The following PSIP1 variants were observed in gnomAD, a reference collection of about 807,000 sequenced individuals.
The protein encoded by PSIP1 is PC4 and SFRS1-interacting protein.
In PSIP1, 19 loss-of-function variants were observed where a neutral mutation model predicts 74.7. The observed-to-expected ratio is 0.25, with a 90% CI of 0.18 to 0.37. The LOEUF is 0.37. Ranked by LOEUF, PSIP1 falls within the 10% of genes least tolerant of loss-of-function variation. The pLI, the probability that PSIP1 is intolerant of heterozygous loss-of-function variation, is 1.00. For missense variants in PSIP1, 601 were observed against 614.3 expected, an observed-to-expected ratio of 0.98 and a Z score of 0.23; for synonymous variants, 222 against 195.3, an observed-to-expected ratio of 1.14 and a Z score of -1.14.
intron 10 of PSIP1, 114 bp downstream of exon 10, chr9:15,472,518 A>T: frequency 6.9e-7 from 1 of 1,457,042 alleles, no homozygotes; most frequent in Non-Finnish European, 9.0e-7. Flanking sequence ...ACACATGGGA[A>T]AAGTCACTTC....
rs146248484 is a variant in PSIP1 at position 15,466,901 on chromosome 9, A to G, written c.1421-42T>C. 31 of 1,482,276 alleles carry G rather than the reference A, an allele frequency of 2.1e-5. No individual in the cohort carries two copies. In the East Asian group the frequency reaches 7.1e-4, roughly 34 times the overall value. The allele number at this position is 1,482,276 out of a possible 1,614,324, so 91.8% of individuals were successfully genotyped here. A position where few individuals can be genotyped will look rare whatever the true frequency, so the allele number is the denominator to read the frequency against. On this transcript the variant is annotated intron_variant, in intron 14 of 15. Coordinates refer to ENST00000380733, the MANE Select transcript of PSIP1 (RefSeq NM_033222.5). ...ATGGAAAAACTTTGTTAAAGCTTAC[A>G]AAACAATAATTGAAGGTGTCCACTA...
chr9:15,503,411 C>T (rs2037436396), intron 3 of PSIP1, among the ~76,000 whole-genome samples: 1 of 151,912 alleles, frequency 6.6e-6, no homozygotes. Flanking sequence ...AATCTCAGCA[C>T]TTTGGGAGGC....
At chr9:15,499,293 G>A (rs961148087) in intron 3 of PSIP1, among the ~76,000 whole-genome samples, 16 of 152,154 alleles carry the variant, frequency 1.1e-4, no homozygotes, top group Admixed American at 8.5e-4. Context: ...CAATGTCAAA[G>A]CTTGTAAGAG....
intron 14 of PSIP1, among the ~76,000 whole-genome samples, chr9:15,467,527 T>C (rs1480906905): frequency 1.3e-5 from 2 of 152,154 alleles, no homozygotes; most frequent in Non-Finnish European, 2.9e-5. Flanking sequence ...TTCTGAAATG[T>C]TTATGAGTGA....
At chr9:15,471,203 T>G (rs758133443) in intron 10 of PSIP1, 6 of 1,607,140 alleles carry the variant, frequency 3.7e-6, no homozygotes, top group Non-Finnish European at 1.7e-6. Flanking sequence ...AGATATATTT[T>G]TTATTACTGT....
rs1313296610 is a variant in PSIP1 at position 15,469,941 on chromosome 9, GCTT to G, written c.1027_1029del (p.Lys343del). 6 of 1,605,626 alleles carry G rather than the reference GCTT, an allele frequency of 3.7e-6. No homozygotes were observed. Among genetic ancestry groups the G allele is most frequent in the Admixed American group, 1.7e-5 (1 of 59,926 alleles). ...CTTAGAAAGTGAAATAACTAACCTC[GCTT>G]CTTCTCCACTTTCTTAACTTCTGGC... On this transcript the variant is annotated inframe_deletion, in exon 11 of 16. Transcript: ENST00000380733.
At chr9:15,476,977 C>G (rs542114568) in intron 8 of PSIP1, among the ~76,000 whole-genome samples, 5 of 152,178 alleles carry the variant, frequency 3.3e-5, no homozygotes, top group African/African-American at 1.2e-4. Context: ...AGAGAAGTTC[C>G]AGAGGAATCA....
At position 15,485,996 on chromosome 9, in the gene PSIP1, G is replaced by T; in HGVS notation, c.456+10C>A. On this transcript the variant is annotated intron_variant, in intron 6 of 15. Coordinates refer to ENST00000380733, the MANE Select transcript of PSIP1 (RefSeq NM_033222.5). ...TCAGATCCCCATGGTTGGTAAGTCAGTGAAATTACCTTTCTCTTTCTCCCC... is the reference window on the plus strand; with the variant it reads ...TCAGATCCCCATGGTTGGTAAGTCATTGAAATTACCTTTCTCTTTCTCCCC... 6.3e-7 allele frequency: 1 copy of T among 1,596,268 alleles called. No individual in the cohort carries two copies. Among genetic ancestry groups the T allele is most frequent in the South Asian group, 1.1e-5 (1 of 90,188 alleles).
rs1235086252 is a variant in PSIP1, at chr9:15,489,954, AGTAATATCAAATTTTAT to A, written c.288+15_288+31del. The A allele has an allele frequency of 6.8e-7, 1 of 1,465,482 alleles. No individual in the cohort carries two copies. The highest frequency in any genetic ancestry group is 9.2e-7 in the Non-Finnish European group (1 of 1,089,566). 90.8% of individuals were successfully genotyped at this position (1,465,482 alleles called of 1,614,324 possible). ...AGTGATTATTCCCCAGGATTAAATA[AGTAATATCAAATTTTAT>A]GTAATATGACTTACCTGTTGACTTG... On this transcript the variant is annotated intron_variant, in intron 4 of 15. Coordinates refer to ENST00000380733, the MANE Select transcript of PSIP1 (RefSeq NM_033222.5).
chr9:15,474,621 G>A (rs1487353182), intron 8 of PSIP1, among the ~76,000 whole-genome samples: 4 of 152,092 alleles, frequency 2.6e-5, no homozygotes, highest in Non-Finnish European at 5.9e-5. Flanking sequence ...AATTAAGCAT[G>A]TTTTCAGACA....
At chr9:15,480,845 A>G (rs1363824917) in intron 6 of PSIP1, among the ~76,000 whole-genome samples, 1 of 152,158 alleles carries the variant, frequency 6.6e-6, no homozygotes, top group East Asian at 1.9e-4. Context: ...GCTGGAACTC[A>G]GGGGGCAGAG....
chr9:15,500,852 T>C (rs2037310644), intron 3 of PSIP1, among the ~76,000 whole-genome samples: 1 of 152,208 alleles, frequency 6.6e-6, no homozygotes. Flanking sequence ...GTAGGAATAG[T>C]CCCTGAATTA....
Position 15,469,743 on chromosome 9 carries a change from AAAC to A in PSIP1, c.1033+192_1033+194del, listed in dbSNP as rs1322754862. Among the ~76,000 whole-genome samples, 3 of 152,250 alleles carry A rather than the reference AAAC, an allele frequency of 2.0e-5. No individual in the cohort carries two copies. In the East Asian group the frequency reaches 5.8e-4, roughly 29 times the overall value. On this transcript the variant is annotated intron_variant, in intron 11 of 15. Coordinates refer to ENST00000380733, the MANE Select transcript of PSIP1 (RefSeq NM_033222.5). ...CAAATAATTAATGAGCATTAAACATAAACAACTCAAGCAAGTTCACTTGATTAT... is the reference window on the plus strand; with the variant it reads ...CAAATAATTAATGAGCATTAAACATAAACTCAAGCAAGTTCACTTGATTAT...
intron 3 of PSIP1, among the ~76,000 whole-genome samples, chr9:15,502,344 G>C (rs1424809860): frequency 6.6e-6 from 1 of 152,084 alleles, no homozygotes. Flanking sequence ...TTCAATCTGT[G>C]ACAGGATGAC....
At chr9:15,499,830 C>T (rs2037248074) in intron 3 of PSIP1, among the ~76,000 whole-genome samples, 1 of 149,956 alleles carries the variant, frequency 6.7e-6, no homozygotes, top group Non-Finnish European at 1.5e-5. Flanking sequence ...GCCAAGATCA[C>T]GCCACTGCAC....
At chr9:15,474,730 T>C (rs982304669) in intron 8 of PSIP1, among the ~76,000 whole-genome samples, 2 of 152,192 alleles carry the variant, frequency 1.3e-5, no homozygotes, top group African/African-American at 4.8e-5. Flanking sequence ...ATAATCCTAA[T>C]TACTGCTGCA....
chr9:15,472,581 C>T, intron 10 of PSIP1, 51 bp downstream of exon 10: 1 of 1,539,524 alleles, frequency 6.5e-7, no homozygotes, highest in Non-Finnish European at 8.7e-7. Context: ...TTAAAAATTC[C>T]ATGCTAGCCT....
chr9:15,469,788 A>C, intron 11 of PSIP1, 150 bp downstream of exon 11: 1 of 609,990 alleles, frequency 1.6e-6, no homozygotes, highest in South Asian at 2.3e-5. Flanking sequence ...AATACAATGC[A>C]ATTTATATAA....
In PSIP1 at chr9:15,510,269, C is replaced by G. The variant is rs2037798675; in HGVS notation, c.-81G>C. On this transcript the variant is annotated 5_prime_UTR_variant, in exon 2 of 16. Transcript: ENST00000380733. ...GGCGCGGGGATGCGGGCGGCGGACG[C>G]GGGCCCAGCTACCGGGCCCGCGGGC... is the stretch of plus-strand genomic sequence containing the variant. The G allele has an allele frequency of 7.7e-7, 1 of 1,297,352 alleles. No individual in the cohort carries two copies. The highest frequency in any genetic ancestry group is 1.3e-5 in the South Asian group (1 of 74,596). 80.4% of individuals were successfully genotyped at this position (1,297,352 alleles called of 1,614,324 possible).
Sources: gnomAD v4.1 joint callset for allele counts (sites outside exome capture counted in the v4.1 genomes callset) on GRCh38, gnomAD v4.1.1 for gene constraint, MANE v1.5 for transcripts, NCBI Gene and HGNC (gene_info 2026-07-23, HGNC 2026-07-21) for gene names.